The following ADAMTS17 variants were observed in gnomAD, a reference collection of about 807,000 sequenced individuals.
ADAMTS17 encodes A disintegrin and metalloproteinase with thrombospondin motifs 17.
Under a neutral mutation model 141.5 loss-of-function variants are expected in ADAMTS17, and 113 were observed. The ratio of observed to expected loss-of-function variants is 0.80; its 90% confidence interval spans 0.69 to 0.93. ADAMTS17 has a LOEUF of 0.93. ADAMTS17 is among the 40% of genes least tolerant of loss of function. The pLI is 0.00. For synonymous variants in ADAMTS17, 768 were observed against 630.6 expected (o/e 1.22, Z -3.27); for missense variants, 1,659 against 1,517.9 (o/e 1.09, Z -1.54).
At chr15:100,074,430 G>T (rs1245301006) in intron 15 of ADAMTS17, among the ~76,000 whole-genome samples, 1 of 151,982 alleles carries the variant, frequency 6.6e-6, no homozygotes, top group Non-Finnish European at 1.5e-5. Flanking sequence ...GAAGAGTTTT[G>T]TTAGGAATAA....
At chr15:100,082,988 A>G (rs1455226386) in intron 15 of ADAMTS17, among the ~76,000 whole-genome samples, 1 of 150,008 alleles carries the variant, frequency 6.7e-6, no homozygotes, top group Admixed American at 6.6e-5. Flanking sequence ...TTGTGGGAAA[A>G]CTCCTAGAGC....
At chr15:100,340,774 T>A (rs1033900190) in intron 2 of ADAMTS17, among the ~76,000 whole-genome samples, 4 of 72,570 alleles carry the variant, frequency 5.5e-5, no homozygotes, top group Non-Finnish European at 1.2e-4. Flanking sequence ...GCGGGCGGCG[T>A]ATACCCCACG....
At chr15:100,136,499 G>A (rs946212074) in intron 10 of ADAMTS17, among the ~76,000 whole-genome samples, 1 of 152,178 alleles carries the variant, frequency 6.6e-6, no homozygotes, top group Non-Finnish European at 1.5e-5. Flanking sequence ...ATGCCTTCTA[G>A]ATCAACAGCC....
intron 8 of ADAMTS17, 34 bp from the exon 9 acceptor site, chr15:100,155,354 C>A: frequency 6.2e-7 from 1 of 1,602,284 alleles, no homozygotes; most frequent in Admixed American, 1.7e-5. Flanking sequence ...GATGCTTATG[C>A]TACAAGCTTC....
At chr15:100,185,485 T>C (rs947866327) in intron 8 of ADAMTS17, among the ~76,000 whole-genome samples, 5 of 152,190 alleles carry the variant, frequency 3.3e-5, no homozygotes, top group Non-Finnish European at 5.9e-5. Flanking sequence ...CAGAGATCAA[T>C]TCAAACCTCT....
chr15:100,220,827 G>A (rs149385478), intron 7 of ADAMTS17, among the ~76,000 whole-genome samples: 3 of 152,306 alleles, frequency 2.0e-5, no homozygotes, highest in Non-Finnish European at 4.4e-5. Flanking sequence ...GGTCATCCAT[G>A]TCACAGCATG....
At chr15:100,314,424 T>C (rs961078863) in intron 3 of ADAMTS17, among the ~76,000 whole-genome samples, 2 of 152,260 alleles carry the variant, frequency 1.3e-5, no homozygotes, top group South Asian at 2.1e-4. Flanking sequence ...GTCAGCAAAT[T>C]AGTCTCAAGT....
chr15:100,301,930 T>C (rs1260497347), intron 3 of ADAMTS17, among the ~76,000 whole-genome samples: 2 of 152,328 alleles, frequency 1.3e-5, no homozygotes, highest in South Asian at 2.1e-4. Context: ...ATTGCTATCA[T>C]CCATATATTA....
chr15:100,300,137 T>C (rs549626032), intron 3 of ADAMTS17, among the ~76,000 whole-genome samples: 1 of 152,246 alleles, frequency 6.6e-6, no homozygotes, highest in South Asian at 2.1e-4. Context: ...ATGTGTCAAA[T>C]ACCTCCAACA....
intron 15 of ADAMTS17, among the ~76,000 whole-genome samples, chr15:100,093,266 G>C (rs1229950639): frequency 6.6e-6 from 1 of 152,144 alleles, no homozygotes; most frequent in Non-Finnish European, 1.5e-5. Context: ...GTCTGCCCTG[G>C]ATTCTCAGCT....
chr15:100,195,500 T>C (rs2041077199), intron 8 of ADAMTS17, among the ~76,000 whole-genome samples: 1 of 151,458 alleles, frequency 6.6e-6, no homozygotes, highest in Non-Finnish European at 1.5e-5. Flanking sequence ...CATGTTTCCG[T>C]AAGACCACAG....
intron 20 of ADAMTS17, among the ~76,000 whole-genome samples, chr15:99,984,125 TCCTC>T (rs2060535565): frequency 6.6e-6 from 1 of 152,074 alleles, no homozygotes; most frequent in Admixed American, 6.6e-5. Flanking sequence ...GGTCCCTCCT[TCCTC>T]TGAATTCGCG....
chr15:100,131,978 G>T (rs762013464), intron 12 of ADAMTS17, 29 bp downstream of exon 12: 2 of 1,614,114 alleles, frequency 1.2e-6, no homozygotes, highest in Admixed American at 1.7e-5. Context: ...ATCGTGGCAC[G>T]TTGGGGTATG....
chr15:100,151,104 A>C (rs1040493116), intron 10 of ADAMTS17, among the ~76,000 whole-genome samples: 2 of 152,116 alleles, frequency 1.3e-5, no homozygotes, highest in African/African-American at 4.8e-5. Flanking sequence ...CTCCCCATGG[A>C]GGTGTCCTTC....
chr15:100,229,029 C>G (rs746819255), intron 7 of ADAMTS17, among the ~76,000 whole-genome samples: 3 of 152,300 alleles, frequency 2.0e-5, no homozygotes, highest in Middle Eastern at 3.4e-3. Flanking sequence ...GACATTTGGG[C>G]CCCCTTCTCC....
intron 8 of ADAMTS17, among the ~76,000 whole-genome samples, chr15:100,164,550 G>A (rs939353157): frequency 6.6e-6 from 1 of 152,246 alleles, no homozygotes; most frequent in South Asian, 2.1e-4. Flanking sequence ...AGTAGGCACA[G>A]TGGAGAAGAA....
At chr15:100,088,721 C>G (rs915096935) in intron 15 of ADAMTS17, among the ~76,000 whole-genome samples, 4 of 152,084 alleles carry the variant, frequency 2.6e-5, no homozygotes, top group East Asian at 1.9e-4. Context: ...ACAAACCTGA[C>G]AAAAACAAGA....
At chr15:100,297,331 AGG>A (rs533742229) in intron 3 of ADAMTS17, among the ~76,000 whole-genome samples, 10 of 152,280 alleles carry the variant, frequency 6.6e-5, no homozygotes, top group Middle Eastern at 3.4e-3. Flanking sequence ...TTCTGGGAGC[AGG>A]GGGATGCCAC....
At chr15:100,133,099 C>G in intron 11 of ADAMTS17, 115 bp downstream of exon 11, 1 of 1,028,884 alleles carries the variant, frequency 9.7e-7, no homozygotes, top group Non-Finnish European at 1.4e-6. Context: ...TCTGTGCCGC[C>G]TGGGGGATGT....
Sources: gnomAD v4.1 joint callset for allele counts (sites outside exome capture counted in the v4.1 genomes callset) on GRCh38, gnomAD v4.1.1 for gene constraint, MANE v1.5 for transcripts, NCBI Gene and HGNC (gene_info 2026-07-23, HGNC 2026-07-21) for gene names.